SNTG2: variants seen among roughly 807,000 people sequenced by gnomAD.
SNTG2 encodes the protein syntrophin gamma 2, also known as gamma-2-syntrophin.
Under a neutral mutation model 70.9 loss-of-function variants are expected in SNTG2, and 74 were observed. The ratio of observed to expected loss-of-function variants is 1.04; its 90% confidence interval spans 0.86 to 1.27. SNTG2 has a LOEUF of 1.27. Ranked by LOEUF, SNTG2 falls within the 50% of genes most tolerant of loss-of-function variation. The probability of loss-of-function intolerance (pLI) is 0.00; values close to 1 mark genes in which losing one functional copy is unlikely to be tolerated. For synonymous variants in SNTG2, 278 were observed against 273.8 expected, an observed-to-expected ratio of 1.02 and a Z score of -0.15; for missense variants, 717 against 690.7, an observed-to-expected ratio of 1.04 and a Z score of -0.43.
At chr2:1,254,265 A>G (rs1222588127) in intron 12 of SNTG2, among the ~76,000 whole-genome samples, 2 of 152,176 alleles carry the variant, frequency 1.3e-5, no homozygotes, top group South Asian at 2.1e-4. Context: ...TGTCTTTCCC[A>G]TGCACCAGGA....
At chr2:1,283,661 C>T (rs1229577798) in intron 14 of SNTG2, among the ~76,000 whole-genome samples, 2 of 152,168 alleles carry the variant, frequency 1.3e-5, no homozygotes, top group African/African-American at 2.4e-5. Context: ...CTGTGTGTGG[C>T]CCTGGCTTCT....
intron 1 of SNTG2, among the ~76,000 whole-genome samples, chr2:1,054,961 T>TTTTTC (rs1662299167): frequency 6.6e-6 from 1 of 152,194 alleles, no homozygotes; most frequent in Non-Finnish European, 1.5e-5. Context: ...TTGTTTTTTT[T>TTTTTC]TCCCTATTGA....
intron 9 of SNTG2, among the ~76,000 whole-genome samples, chr2:1,234,925 G>C (rs1676507690): frequency 6.6e-6 from 1 of 152,230 alleles, no homozygotes. Context: ...AGAGCACCCA[G>C]TGTTCAGTCA....
At chr2:1,016,248 GT>G (rs935532253) in intron 1 of SNTG2, among the ~76,000 whole-genome samples, 2 of 151,570 alleles carry the variant, frequency 1.3e-5, no homozygotes, top group African/African-American at 4.8e-5. Context: ...TTTTTGTTTT[GT>G]TTTTTGTTTT....
intron 9 of SNTG2, among the ~76,000 whole-genome samples, chr2:1,221,333 C>T (rs1338739652): frequency 3.0e-5 from 1 of 33,212 alleles, no homozygotes; most frequent in Non-Finnish European, 1.3e-4. Context: ...GTCTCTGTCT[C>T]TCTGTTGCTG....
At position 1,223,467 on chromosome 2, in the gene SNTG2, G is replaced by A. The variant is rs188948885; in HGVS notation, c.719+14237G>A. Among the ~76,000 whole-genome samples, 760 of 152,266 alleles carry A rather than the reference G, an allele frequency of 5.0e-3. 7 individuals carry two copies. The highest frequency in any genetic ancestry group is 0.017 in the African/African-American group (718 of 41,542). ...CTGATCTTGTGTCTCTGCCAACTGC[G>A]TCGGATTCCTCAGTGCATCCTGGGA... On this transcript the variant is annotated intron_variant, in intron 9 of 16. Coordinates refer to ENST00000308624, the MANE Select transcript of SNTG2 (RefSeq NM_018968.4).
intron 1 of SNTG2, among the ~76,000 whole-genome samples, chr2:1,033,420 G>A (rs1660952121): frequency 6.6e-6 from 1 of 152,184 alleles, no homozygotes; most frequent in Admixed American, 6.5e-5. Flanking sequence ...ACAAATGCCT[G>A]TCCCTTCTTC....
At chr2:1,235,443 G>T (rs1420822420) in intron 9 of SNTG2, among the ~76,000 whole-genome samples, 1 of 121,980 alleles carries the variant, frequency 8.2e-6, no homozygotes, top group Non-Finnish European at 1.7e-5. Context: ...CATGAGAGGG[G>T]GCGCCCCTAC....
chr2:1,130,529 A>G (rs1667951705), intron 4 of SNTG2, among the ~76,000 whole-genome samples: 1 of 152,234 alleles, frequency 6.6e-6, no homozygotes, highest in South Asian at 2.1e-4. Flanking sequence ...TCTTTTTGAT[A>G]CATCATCACA....
At chr2:1,083,376 T>C in intron 1 of SNTG2, 142 bp from the exon 2 acceptor site, 1 of 624,598 alleles carries the variant, frequency 1.6e-6, no homozygotes. Context: ...CAAATCCTTA[T>C]CGGTTGAGCA....
At chr2:1,311,671 T>G (rs1285906320) in intron 15 of SNTG2, among the ~76,000 whole-genome samples, 1 of 152,230 alleles carries the variant, frequency 6.6e-6, no homozygotes, top group Non-Finnish European at 1.5e-5. Flanking sequence ...TTATTGAATA[T>G]GAAATGCTTC....
chr2:1,219,817 T>G (rs542530216), intron 9 of SNTG2: 1 of 152,100 alleles, frequency 6.6e-6, no homozygotes, highest in Non-Finnish European at 1.5e-5. Context: ...ACATCTACCA[T>G]GTTTTTTAAA....
intron 1 of SNTG2, among the ~76,000 whole-genome samples, chr2:1,001,234 TC>T (rs1659384449): frequency 1.3e-5 from 2 of 152,008 alleles, no homozygotes; most frequent in South Asian, 2.1e-4. Flanking sequence ...CTCTCACCTC[TC>T]CTATTCAACA....
intron 16 of SNTG2, among the ~76,000 whole-genome samples, chr2:1,351,850 C>T (rs184137140): frequency 7.9e-5 from 12 of 152,308 alleles, no homozygotes; most frequent in African/African-American, 2.2e-4. Context: ...GCCCACGAGG[C>T]GCTTTCCTCC....
intron 1 of SNTG2, among the ~76,000 whole-genome samples, chr2:1,007,172 C>T (rs1475170469): frequency 6.6e-6 from 1 of 151,906 alleles, no homozygotes; most frequent in Non-Finnish European, 1.5e-5. Flanking sequence ...CTGGGGAGGT[C>T]CTGGAATCCA....
chr2:1,080,876 C>T (rs1664243331), intron 1 of SNTG2, among the ~76,000 whole-genome samples: 2 of 152,132 alleles, frequency 1.3e-5, no homozygotes, highest in South Asian at 4.2e-4. Flanking sequence ...TTTGGGTGGC[C>T]TAGGTCAACA....
In SNTG2 at chr2:1,166,344, G is replaced by A. The variant is rs1670704002; in HGVS notation, c.499+709G>A. 2.6e-5 allele frequency among the ~76,000 whole-genome samples: 4 copies of A among 152,174 alleles called. No individual in the cohort carries two copies. The South Asian group carries it at 8.3e-4, about 32-fold the overall frequency. On this transcript the variant is annotated intron_variant, in intron 7 of 16. Coordinates refer to ENST00000308624, the MANE Select transcript of SNTG2 (RefSeq NM_018968.4). The stretch of plus-strand genomic sequence containing the variant: ...CCCCAGGGCATCCGATGTGGAATGA[G>A]GACCTCCCGCTGAGCCGACAGTCGG...
chr2:1,098,560 G>T (rs1665550319), intron 4 of SNTG2, 150 bp downstream of exon 4: 2 of 857,878 alleles, frequency 2.3e-6, no homozygotes, highest in Non-Finnish European at 3.7e-6. Context: ...TTCAAAGGAT[G>T]CTTCTTATGC....
At chr2:1,156,613 G>T (rs1165321367) in intron 6 of SNTG2, among the ~76,000 whole-genome samples, 1 of 152,134 alleles carries the variant, frequency 6.6e-6, no homozygotes. Context: ...GCCACAGAGC[G>T]GGAAGAGACC....
Sources: allele counts gnomAD v4.1 joint callset (sites outside exome capture counted in the v4.1 genomes callset), GRCh38; gene constraint gnomAD v4.1.1; transcripts MANE v1.5; gene names NCBI Gene and HGNC (gene_info 2026-07-23, HGNC 2026-07-21).